The following GRIA1 variants were observed in gnomAD, a reference collection of about 807,000 sequenced individuals.
GRIA1 encodes glutamate receptor 1.
GRIA1 carries 31 observed loss-of-function variants against 99.2 expected under a neutral mutation model. The observed-to-expected ratio is 0.31, with a 90% CI of 0.23 to 0.42. The LOEUF is 0.42. GRIA1 is among the 10% of genes least tolerant of loss of function. GRIA1 has a pLI of 1.00. For synonymous variants in GRIA1, 438 were observed against 432.4 expected, an observed-to-expected ratio of 1.01 and a Z score of -0.16; for missense variants, 782 against 1,157.5, an observed-to-expected ratio of 0.68 and a Z score of 4.71.
At chr5:153,612,921 GA>G (rs1040189362) in intron 2 of GRIA1, among the ~76,000 whole-genome samples, 123 of 141,264 alleles carry the variant, frequency 8.7e-4, no homozygotes, top group Middle Eastern at 7.2e-3. Flanking sequence ...CACTCAGCTG[GA>G]AAAAAAAAAA....
At chr5:153,741,545 G>A (rs1246064238) in intron 11 of GRIA1, among the ~76,000 whole-genome samples, 2 of 152,268 alleles carry the variant, frequency 1.3e-5, no homozygotes, top group Non-Finnish European at 1.5e-5. Flanking sequence ...AAAATGTGGT[G>A]TACACATACA....
chr5:153,802,258 G>C (rs1043754097), intron 14 of GRIA1, 98 bp from the exon 15 acceptor site: 69 of 967,236 alleles, frequency 7.1e-5, no homozygotes, highest in Non-Finnish European at 1.0e-4. Context: ...GTGGGGTTGT[G>C]TGTATGTGTG....
intron 14 of GRIA1, among the ~76,000 whole-genome samples, chr5:153,798,106 T>A (rs994847128): frequency 4.6e-5 from 7 of 152,220 alleles, no homozygotes; most frequent in African/African-American, 1.4e-4. Context: ...TCTTCCTGAA[T>A]GTGTTCATGT....
At chr5:153,618,607 C>T (rs777635018) in intron 2 of GRIA1, among the ~76,000 whole-genome samples, 12 of 151,920 alleles carry the variant, frequency 7.9e-5, no homozygotes, top group Admixed American at 3.9e-4. Flanking sequence ...GTCTGGGGAC[C>T]GAAACAAAGA....
chr5:153,768,348 C>A (rs566232333), intron 12 of GRIA1, among the ~76,000 whole-genome samples: 1 of 152,118 alleles, frequency 6.6e-6, no homozygotes, highest in African/African-American at 2.4e-5. Context: ...GATTATAATG[C>A]CCAAACTCCC....
chr5:153,584,128 G>T (rs901481271), intron 2 of GRIA1, among the ~76,000 whole-genome samples: 4 of 152,170 alleles, frequency 2.6e-5, no homozygotes, highest in South Asian at 2.1e-4. Context: ...GACTACTCCA[G>T]CAGTCATGGA....
Position 153,811,396 on chromosome 5 carries a change from G to C in GRIA1, c.*171G>C. The stretch of plus-strand genomic sequence containing the variant: ...TGAAGAATTGAAAAACCATTTTGCT[G>C]TCCCTTTTCCTTTTTTGATGTTCTT... On this transcript the variant is annotated 3_prime_UTR_variant, in exon 16 of 16. Coordinates refer to ENST00000285900, the MANE Select transcript of GRIA1 (RefSeq NM_000827.4). 1 of 594,150 alleles carries C rather than the reference G, an allele frequency of 1.7e-6. No individual in the cohort carries two copies. Among genetic ancestry groups the C allele is most frequent in the Non-Finnish European group, 3.0e-6 (1 of 330,814 alleles). 36.8% of individuals were successfully genotyped at this position (594,150 alleles called of 1,614,324 possible).
intron 11 of GRIA1, among the ~76,000 whole-genome samples, chr5:153,742,232 G>A (rs959718651): frequency 1.3e-5 from 2 of 152,122 alleles, no homozygotes; most frequent in African/African-American, 4.8e-5. Context: ...GCACATATGG[G>A]GAAGCAAGAT....
At chr5:153,781,124 A>G (rs1203497885) in intron 13 of GRIA1, among the ~76,000 whole-genome samples, 3 of 152,166 alleles carry the variant, frequency 2.0e-5, no homozygotes, top group African/African-American at 7.2e-5. Context: ...ATATCTAATC[A>G]GCCTGTTCCT....
At chr5:153,772,396 T>G (rs559147073) in intron 13 of GRIA1, among the ~76,000 whole-genome samples, 164 of 152,236 alleles carry the variant, frequency 1.1e-3, no homozygotes, top group African/African-American at 3.7e-3. Context: ...CACAGTCGAT[T>G]AACCAAAAGC....
rs368375948 is a variant in GRIA1, at chr5:153,671,765, A to G, written c.700-2735A>G. Among the ~76,000 whole-genome samples, 21 of 152,314 alleles carry G rather than the reference A, an allele frequency of 1.4e-4. No individual in the cohort carries two copies. In the East Asian group the frequency reaches 2.3e-3, roughly 17 times the overall value. ...ATATACTGTGCACCTACTCTGTGCC[A>G]AGCATTGCTCTAGGAGCAGGTTCTA... On this transcript the variant is annotated intron_variant, in intron 5 of 15. Coordinates refer to ENST00000285900, the MANE Select transcript of GRIA1 (RefSeq NM_000827.4).
chr5:153,799,930 G>A (rs1765895828), intron 14 of GRIA1, among the ~76,000 whole-genome samples: 1 of 152,080 alleles, frequency 6.6e-6, no homozygotes, highest in African/African-American at 2.4e-5. Flanking sequence ...TAGATATACT[G>A]GAAGTGAATG....
chr5:153,663,853 G>A (rs1442989008), intron 5 of GRIA1, among the ~76,000 whole-genome samples: 2 of 152,176 alleles, frequency 1.3e-5, no homozygotes, highest in African/African-American at 2.4e-5. Flanking sequence ...GGAAGAGGCT[G>A]TTCTATTAAT....
At chr5:153,777,816 A>C (rs1764359544) in intron 13 of GRIA1, among the ~76,000 whole-genome samples, 1 of 152,152 alleles carries the variant, frequency 6.6e-6, no homozygotes, top group African/African-American at 2.4e-5. Flanking sequence ...CCACTCTCAC[A>C]AGTAACAGCC....
chr5:153,600,479 A>G (rs1245907780), intron 2 of GRIA1, among the ~76,000 whole-genome samples: 1 of 151,976 alleles, frequency 6.6e-6, no homozygotes, highest in Admixed American at 6.5e-5. Flanking sequence ...CAAATCCAGA[A>G]TTTATTTAGG....
chr5:153,590,693 A>C lies in GRIA1; in HGVS notation c.221-56235A>C, dbSNP rs565399999. Among the ~76,000 whole-genome samples the C allele has an allele frequency of 2.0e-4, 31 of 152,330 alleles. No individual in the cohort carries two copies. The South Asian group carries it at 6.4e-3, about 32-fold the overall frequency. On this transcript the variant is annotated intron_variant, in intron 2 of 15. Transcript: ENST00000285900. The stretch of plus-strand genomic sequence containing the variant: ...CTTTACACCTATATTTTCCTAAAAA[A>C]AAATTTGTGAAACAAGGGCATCCTT...
At chr5:153,798,298 G>A (rs1252608050) in intron 14 of GRIA1, among the ~76,000 whole-genome samples, 4 of 152,160 alleles carry the variant, frequency 2.6e-5, no homozygotes, top group Non-Finnish European at 5.9e-5. Flanking sequence ...ACTGCTCAGG[G>A]AAACGGTCCT....
chr5:153,719,516 C>A (rs1292026100), intron 11 of GRIA1, among the ~76,000 whole-genome samples: 2 of 151,966 alleles, frequency 1.3e-5, no homozygotes, highest in South Asian at 2.1e-4. Context: ...GGCTTTTGGC[C>A]TGAATACCTA....
At chr5:153,689,970 C>T (rs1264284519) in intron 8 of GRIA1, among the ~76,000 whole-genome samples, 1 of 152,198 alleles carries the variant, frequency 6.6e-6, no homozygotes, top group Non-Finnish European at 1.5e-5. Flanking sequence ...CTCTTCAAGA[C>T]TTGCTCTTCA....
Sources: allele counts gnomAD v4.1 joint callset (sites outside exome capture counted in the v4.1 genomes callset), GRCh38; gene constraint gnomAD v4.1.1; transcripts MANE v1.5; gene names NCBI Gene and HGNC (gene_info 2026-07-23, HGNC 2026-07-21).